Variants in ORC4 observed in about 807,000 individuals in gnomAD.
The protein encoded by ORC4 is origin recognition complex, subunit 4 homolog.
A neutral mutation model predicts 63.9 loss-of-function variants in ORC4; 55 were observed. The ratio of observed to expected loss-of-function variants is 0.86; its 90% CI spans 0.69 to 1.08. The LOEUF is 1.08. Among genes scored for constraint, ORC4 ranks in the 50% least tolerant of loss-of-function variants. The pLI, the probability that ORC4 is intolerant of heterozygous loss-of-function variation, is 0.00. For synonymous variants in ORC4, 150 were observed against 168.5 expected (o/e 0.89, Z 0.85); for missense variants, 511 against 504.4 (o/e 1.01, Z -0.13).
intron 8 of ORC4, among the ~76,000 whole-genome samples, chr2:147,948,660 T>A (rs1354734214): frequency 6.6e-6 from 1 of 151,138 alleles, no homozygotes. Context: ...ATTCGTAAGT[T>A]ATCTTCCGGC....
chr2:147,972,825 A>C lies in ORC4; in HGVS notation c.139T>G (p.Leu47Val). 6.2e-7 allele frequency: 1 copy of C among 1,600,536 alleles called. No individual in the cohort carries two copies. The highest frequency in any genetic ancestry group is 1.1e-5 in the South Asian group (1 of 90,786). Residue 47 changes from leucine to valine, a missense_variant, in exon 4 of 14, where the codon TTA becomes GTA. By Grantham distance (32) the Leu-to-Val change is conservative. Transcript: ENST00000392857. ...GCAGTTCTTTTCAGCAGCTCACTTA[A>C]GTGTCTAAAATGATATAAATAGGAC... ...LFGVQVQYKH[L>V]SELLKRTALH...
rs1405309405 is a variant in ORC4, at chr2:147,934,143, C to T, written c.*1367G>A. On this transcript the variant is annotated 3_prime_UTR_variant, in exon 14 of 14. Coordinates refer to ENST00000392857, the MANE Select transcript of ORC4 (RefSeq NM_181741.4). ...AGCCTGTTGGCCATTCCCAGCATTG[C>T]CACTGCTGTGTTAGTTTTCTCATCT... The T allele has an allele frequency of 6.6e-6, 1 of 152,170 alleles. No individual in the cohort carries two copies. 9.4% of individuals were successfully genotyped at this position (152,170 alleles called of 1,614,324 possible). A position where few individuals can be genotyped will look rare whatever the true frequency, so the allele number is the denominator to read the frequency against.
chr2:147,997,515 G>C (rs1418618673), intron 1 of ORC4, among the ~76,000 whole-genome samples: 2 of 152,078 alleles, frequency 1.3e-5, no homozygotes, highest in Non-Finnish European at 2.9e-5. Context: ...CCTAATGGTT[G>C]AGAAGAGACT....
rs570379456 is a variant in ORC4 at position 147,948,000 on chromosome 2, G to A, written c.762+51C>T. 11 of 1,437,514 alleles carry A rather than the reference G, an allele frequency of 7.7e-6. No individual in the cohort carries two copies. The African/African-American group carries it at 1.5e-4, about 20-fold the overall frequency. The allele number at this position is 1,437,514 out of a possible 1,614,324, so 89.0% of individuals were successfully genotyped here. ...AATTTCTAAAATTTGTGTTTTAATTGCTTTAAATCATATAGCAAGGAACAT... is the reference window on the plus strand; with the variant it reads ...AATTTCTAAAATTTGTGTTTTAATTACTTTAAATCATATAGCAAGGAACAT... On this transcript the variant is annotated intron_variant, in intron 9 of 13. Coordinates refer to ENST00000392857, the MANE Select transcript of ORC4 (RefSeq NM_181741.4).
Position 147,958,288 on chromosome 2 carries a change from T to C in ORC4, c.387+10A>G. On this transcript the variant is annotated intron_variant, in intron 6 of 13. Coordinates refer to ENST00000392857, the MANE Select transcript of ORC4 (RefSeq NM_181741.4). ...AGTCTATTTAATAAAATAACTGAAA[T>C]GATACTTACAAAAACTTTATCTCCA... is the stretch of plus-strand genomic sequence containing the variant. 2 of 1,528,056 alleles carry C rather than the reference T, an allele frequency of 1.3e-6. No individual in the cohort carries two copies. Among genetic ancestry groups the C allele is most frequent in the Non-Finnish European group, 9.1e-7 (1 of 1,102,560 alleles). 94.7% of individuals were successfully genotyped at this position (1,528,056 alleles called of 1,614,324 possible).
Position 147,958,341 on chromosome 2 carries a change from G to C in ORC4, c.344C>G (p.Thr115Arg), listed in dbSNP as rs1480953041. The C allele has an allele frequency of 6.2e-7, 1 of 1,612,344 alleles. No homozygotes were observed. Among genetic ancestry groups the C allele is most frequent in the East Asian group, 2.2e-5 (1 of 44,728 alleles). ...INDKIALKEI[T>R]RQLNLENVVG... ...TACATTTTCCAGATTTAACTGCCTT[G>C]TGATTTCCTTTAGGGCGATTTTGTC... Residue 115 changes from threonine (T) to arginine (R), a missense_variant, in exon 6 of 14, where the codon ACA becomes AGA. Thr to Arg is a moderately conservative substitution (Grantham distance 71). Transcript: ENST00000392857.
chr2:147,973,710 T>G (rs1453699720), intron 2 of ORC4, among the ~76,000 whole-genome samples, 186 bp from the exon 3 acceptor site: 1 of 152,160 alleles, frequency 6.6e-6, no homozygotes, highest in Non-Finnish European at 1.5e-5. Flanking sequence ...ATTTCTTACC[T>G]ATCTCAAGTC....
At chr2:147,982,227 T>C (rs1690930280) in intron 1 of ORC4, 1 of 152,216 alleles carries the variant, frequency 6.6e-6, no homozygotes, top group South Asian at 2.1e-4. Flanking sequence ...ATTCTATTTT[T>C]TATTTTTCCT....
chr2:147,940,225 T>C (rs920814787), intron 10 of ORC4, among the ~76,000 whole-genome samples: 1 of 152,256 alleles, frequency 6.6e-6, no homozygotes, highest in Non-Finnish European at 1.5e-5. Context: ...TGGGTGGTAT[T>C]TGGTTACATG....
At chr2:148,012,934 CAA>C (rs1329299046) in intron 1 of ORC4, among the ~76,000 whole-genome samples, 2 of 152,094 alleles carry the variant, frequency 1.3e-5, no homozygotes, top group Non-Finnish European at 2.9e-5. Flanking sequence ...AAAAGGCAGT[CAA>C]TATCAGATGC....
chr2:147,994,960 A>G (rs1165477821), intron 1 of ORC4, among the ~76,000 whole-genome samples: 1 of 152,186 alleles, frequency 6.6e-6, no homozygotes, highest in African/African-American at 2.4e-5. Context: ...TCGAGTGGGG[A>G]CTTGGACAAC....
At chr2:147,978,284 C>T (rs1234322182) in intron 1 of ORC4, among the ~76,000 whole-genome samples, 1 of 152,220 alleles carries the variant, frequency 6.6e-6, no homozygotes, top group Non-Finnish European at 1.5e-5. Flanking sequence ...TTCTGTAAGA[C>T]TGTGGCTGAG....
chr2:147,981,782 T>A (rs1690906259), intron 1 of ORC4: 1 of 152,182 alleles, frequency 6.6e-6, no homozygotes, highest in Non-Finnish European at 1.5e-5. Flanking sequence ...CCCAAATAAG[T>A]TGTACTCTTA....
At chr2:148,004,046 T>G (rs1445787661) in intron 1 of ORC4, among the ~76,000 whole-genome samples, 2 of 152,050 alleles carry the variant, frequency 1.3e-5, no homozygotes, top group Admixed American at 1.3e-4. Flanking sequence ...GGAATACAAC[T>G]TATAAGGGAT....
intron 4 of ORC4, among the ~76,000 whole-genome samples, chr2:147,960,903 T>C (rs1689553741): frequency 6.6e-6 from 1 of 152,086 alleles, no homozygotes; most frequent in Non-Finnish European, 1.5e-5. Context: ...AAAAAAGGTA[T>C]TTTCTAGGGG....
At chr2:147,938,960 T>C (rs1485798849) in intron 11 of ORC4, among the ~76,000 whole-genome samples, 180 bp downstream of exon 11, 1 of 151,838 alleles carries the variant, frequency 6.6e-6, no homozygotes, top group Non-Finnish European at 1.5e-5. Flanking sequence ...AGCGTCAAAT[T>C]TTTTTTTCAC....
intron 1 of ORC4, among the ~76,000 whole-genome samples, chr2:147,995,819 C>T (rs1049633116): frequency 2.0e-5 from 3 of 150,658 alleles, no homozygotes; most frequent in Admixed American, 6.6e-5. Flanking sequence ...ACATTCACTG[C>T]GAGGGTCTGC....
At chr2:147,969,476 A>G (rs1690085098) in intron 4 of ORC4, among the ~76,000 whole-genome samples, 1 of 152,086 alleles carries the variant, frequency 6.6e-6, no homozygotes, top group Non-Finnish European at 1.5e-5. Context: ...CTATTTTATG[A>G]AATAAATGTT....
At chr2:147,948,301 G>A in intron 8 of ORC4, 77 bp from the exon 9 acceptor site, 1 of 926,912 alleles carries the variant, frequency 1.1e-6, no homozygotes, top group South Asian at 1.5e-5. Context: ...AATGTTAGAG[G>A]TATAAGTAAA....
Sources: allele counts gnomAD v4.1 joint callset (sites outside exome capture counted in the v4.1 genomes callset), GRCh38; gene constraint gnomAD v4.1.1; transcripts MANE v1.5; gene names NCBI Gene and HGNC (gene_info 2026-07-23, HGNC 2026-07-21).